SRRM1: variants seen among roughly 807,000 people sequenced by gnomAD.
SRRM1 encodes the protein serine/arginine repetitive matrix protein 1.
Under a neutral mutation model 110.2 loss-of-function variants are expected in SRRM1, and 19 were observed. The ratio of observed to expected loss-of-function variants is 0.17; its 90% CI spans 0.12 to 0.25. The LOEUF is 0.25. Among genes scored for constraint, SRRM1 ranks in the 10% least tolerant of loss-of-function variants. The pLI is 1.00. For missense variants in SRRM1, 918 were observed against 1,145.8 expected, an observed-to-expected ratio of 0.80 and a Z score of 2.87; for synonymous variants, 443 against 414.9, an observed-to-expected ratio of 1.07 and a Z score of -0.82.
rs1215778545 is a variant in SRRM1 at position 24,652,029 on chromosome 1, AATATATATATATATATAT to A, written c.726-388_726-371del. ...ATGGTGAAACTCCATCTGTACTAAA[AATATATATATATATATAT>A]ATATATATATATATATGTACACACA... On this transcript the variant is annotated intron_variant, in intron 6 of 16. Transcript: ENST00000323848. 9.1e-4 allele frequency among the ~76,000 whole-genome samples: 73 copies of A among 79,870 alleles called. 1 individual carries two copies. The highest frequency in any genetic ancestry group is 2.6e-3 in the South Asian group (5 of 1,944). The allele number at this position is 79,870 out of a possible 152,430, so 52.4% of individuals were successfully genotyped here.
At chr1:24,665,024 T>C (rs1016170238) in intron 12 of SRRM1, among the ~76,000 whole-genome samples, 1 of 152,218 alleles carries the variant, frequency 6.6e-6, no homozygotes, top group Non-Finnish European at 1.5e-5. Flanking sequence ...TTTTAAGTTA[T>C]ATACCAGCAG....
chr1:24,647,857 A>T (rs182278413), intron 3 of SRRM1: 155 of 152,368 alleles, frequency 1.0e-3, no homozygotes, highest in African/African-American at 3.4e-3. Flanking sequence ...GATAGATTTT[A>T]TTGGAGAAAT....
chr1:24,643,647 C>G (rs61773957), intron 1 of SRRM1: 76,218 of 375,234 alleles, frequency 0.2, 7,974 homozygotes, highest in African/African-American at 0.24. Context: ...GCCTGCAGGC[C>G]GAGCGCCGTG....
intron 7 of SRRM1, 33 bp from the exon 8 acceptor site, chr1:24,652,880 T>G (rs770345351): frequency 2.5e-6 from 4 of 1,594,396 alleles, no homozygotes; most frequent in Non-Finnish European, 3.4e-6. Context: ...CACTCCTGGT[T>G]TATTCAGGAC....
At chr1:24,663,404 GAATTATACAT>G (rs1171755228) in intron 12 of SRRM1, among the ~76,000 whole-genome samples, 1 of 152,226 alleles carries the variant, frequency 6.6e-6, no homozygotes, top group East Asian at 1.9e-4. Flanking sequence ...ATGATAGGGA[GAATTATACAT>G]GAGCTATTTG....
chr1:24,652,345 T>C, intron 6 of SRRM1, 89 bp from the exon 7 acceptor site: 1 of 976,678 alleles, frequency 1.0e-6, no homozygotes, highest in Non-Finnish European at 1.4e-6. Flanking sequence ...TGAAAAGTTT[T>C]AGAAATACTT....
Position 24,672,610 on chromosome 1 carries a change from GT to G in SRRM1, c.*331del, listed in dbSNP as rs887525083. The G allele has an allele frequency of 4.4e-4, 70 of 160,276 alleles. 1 individual carries two copies. The highest frequency in any genetic ancestry group is 1.4e-3 in the African/African-American group (57 of 41,726). The allele number at this position is 160,276 out of a possible 1,614,324, so 9.9% of individuals were successfully genotyped here. A position where few individuals can be genotyped will look rare whatever the true frequency, so the allele number is the denominator to read the frequency against. On this transcript the variant is annotated 3_prime_UTR_variant, in exon 17 of 17. Transcript: ENST00000323848. Reference sequence around the variant, plus strand: ...AAATGCCCTAGCTATTCCCAGAGGGGTTTTTTTGTTTGTTTTTTTGGTTTTG... The same window carrying G: ...AAATGCCCTAGCTATTCCCAGAGGGGTTTTTTGTTTGTTTTTTTGGTTTTG...
rs776018012 is a variant in SRRM1 at position 24,652,430 on chromosome 1, A to G, written c.726-4A>G. On this transcript the variant is annotated splice_polypyrimidine_tract_variant and splice_region_variant and intron_variant, in intron 6 of 16. Coordinates refer to ENST00000323848, the MANE Select transcript of SRRM1 (RefSeq NM_005839.4). ...AAAAAAAAAAAAAGCTTTTGTTTCC[A>G]CAGTGACATTCTGAAAGTTCCCAAA... is the stretch of plus-strand genomic sequence containing the variant. 3 of 1,513,960 alleles carry G rather than the reference A, an allele frequency of 2.0e-6. No individual in the cohort carries two copies. The highest frequency in any genetic ancestry group is 8.9e-7 in the Non-Finnish European group (1 of 1,129,636). 93.8% of individuals were successfully genotyped at this position (1,513,960 alleles called of 1,614,324 possible).
At chr1:24,646,115 C>G (rs1657377286) in intron 2 of SRRM1, 42 bp downstream of exon 2, 3 of 1,431,858 alleles carry the variant, frequency 2.1e-6, no homozygotes, top group Non-Finnish European at 2.9e-6. Context: ...TTATAGCACA[C>G]TTACTTGACT....
chr1:24,668,627 T>A (rs1471335404), intron 13 of SRRM1, among the ~76,000 whole-genome samples: 3 of 152,196 alleles, frequency 2.0e-5, no homozygotes, highest in African/African-American at 7.2e-5. Flanking sequence ...TTAAGGCTTG[T>A]GCAGTGAACT....
rs754036084 is a variant in SRRM1, at chr1:24,670,145, G to A, written c.2230G>A (p.Val744Ile). The part of the protein sequence containing the change: ...KKAASPSPQS[V>I]RRVSSSRSVS... ...GGCTGCTTCCCCAAGCCCACAGTCT[G>A]TAAGAAGGGTCTCATCCTCCCGATC... Residue 744 changes from valine (V) to isoleucine (I), a missense_variant, in exon 15 of 17, where the codon GTA becomes ATA. By Grantham distance (29) the Val-to-Ile change is conservative. This residue lies in a region of SRRM1 where 357 missense variants were observed against 402.9 expected (regional missense o/e 0.89). Coordinates refer to ENST00000323848, the MANE Select transcript of SRRM1 (RefSeq NM_005839.4). 11 of 1,608,304 alleles carry A rather than the reference G, an allele frequency of 6.8e-6. No homozygotes were observed. The highest frequency in any genetic ancestry group is 9.3e-6 in the Non-Finnish European group (11 of 1,177,812).
At chr1:24,661,969 C>T (rs1250708819) in intron 11 of SRRM1, among the ~76,000 whole-genome samples, 1 of 152,042 alleles carries the variant, frequency 6.6e-6, no homozygotes, top group Non-Finnish European at 1.5e-5. Context: ...ACCTGTAATC[C>T]CAGTTACTTG....
intron 9 of SRRM1, among the ~76,000 whole-genome samples, chr1:24,660,190 T>G (rs2148554635): frequency 6.6e-6 from 1 of 152,044 alleles, no homozygotes; most frequent in Non-Finnish European, 1.5e-5. Context: ...TGTGAGGGAG[T>G]GAGTGTGGGT....
chr1:24,661,605 A>T (rs2148589312), intron 11 of SRRM1, among the ~76,000 whole-genome samples: 1 of 152,306 alleles, frequency 6.6e-6, no homozygotes, highest in Admixed American at 6.5e-5. Context: ...GGTCCCTAGG[A>T]TACAATAGTG....
chr1:24,655,268 T>G lies in SRRM1; in HGVS notation c.1315+139T>G, dbSNP rs184771599. 1.3e-4 allele frequency: 139 copies of G among 1,031,140 alleles called. 1 individual carries two copies. Among genetic ancestry groups the G allele is most frequent in the Admixed American group, 3.3e-4 (12 of 36,500 alleles). The allele number at this position is 1,031,140 out of a possible 1,614,324, so 63.9% of individuals were successfully genotyped here. A position where few individuals can be genotyped will look rare whatever the true frequency, so the allele number is the denominator to read the frequency against. On this transcript the variant is annotated intron_variant, in intron 9 of 16. Coordinates refer to ENST00000323848, the MANE Select transcript of SRRM1 (RefSeq NM_005839.4). ...CTAATACTCTCTGTAGGTTTACTTA[T>G]AAGCCTACCTCTTTCCTGCTTTAAA...
Position 24,661,400 on chromosome 1 carries a change from T to G in SRRM1, c.1483+4T>G, listed in dbSNP as rs575666962. The G allele has an allele frequency of 6.2e-7, 1 of 1,607,556 alleles. No homozygotes were observed. The highest frequency in any genetic ancestry group is 8.5e-7 in the Non-Finnish European group (1 of 1,176,400). ...CAAAACCAGCAGTCTTCATCTGGTA[T>G]GGATGGTGATGAAAGTTTTTTTTCT... is the stretch of plus-strand genomic sequence containing the variant. On this transcript the variant is annotated splice_donor_region_variant and intron_variant, in intron 11 of 16. Coordinates refer to ENST00000323848, the MANE Select transcript of SRRM1 (RefSeq NM_005839.4).
chr1:24,670,378 A>C (rs1672118250), intron 15 of SRRM1, 63 bp downstream of exon 15: 1 of 1,442,504 alleles, frequency 6.9e-7, no homozygotes, highest in East Asian at 2.5e-5. Context: ...TTTGAAGCAG[A>C]GAAAATGTCA....
At chr1:24,646,615 ATT>A in intron 2 of SRRM1, 50 bp from the exon 3 acceptor site, 2 of 1,451,194 alleles carry the variant, frequency 1.4e-6, no homozygotes, top group Non-Finnish European at 1.8e-6. Context: ...TAACTTGAGC[ATT>A]TTTTTTTAGG....
intron 8 of SRRM1, 29 bp downstream of exon 8, chr1:24,653,061 AGTGTTTG>A (rs1661906963): frequency 1.2e-6 from 2 of 1,601,064 alleles, no homozygotes; most frequent in African/African-American, 2.7e-5. Context: ...GGAAGTGTCA[AGTGTTTG>A]ACACTTCTGG....
Sources: gnomAD v4.1 joint callset for allele counts (sites outside exome capture counted in the v4.1 genomes callset) on GRCh38, gnomAD v4.1.1 for gene constraint, gnomAD v4.1.1 regional missense constraint, MANE v1.5 for transcripts, NCBI Gene and HGNC (gene_info 2026-07-23, HGNC 2026-07-21) for gene names.